The following NEDD1 variants were observed in gnomAD, a reference collection of about 807,000 sequenced individuals.
The protein encoded by NEDD1 is protein NEDD1.
A neutral mutation model predicts 74.0 loss-of-function variants in NEDD1; 33 were observed. The observed-to-expected ratio is 0.45, with a 90% CI of 0.34 to 0.60. The LOEUF is 0.60. Among genes scored for constraint, NEDD1 ranks in the 20% least tolerant of loss-of-function variants. NEDD1 has a pLI of 0.01. For synonymous variants in NEDD1, 250 were observed against 264.4 expected (o/e 0.95, Z 0.53); for missense variants, 746 against 776.5 (o/e 0.96, Z 0.47).
intron 2 of NEDD1, among the ~76,000 whole-genome samples, chr12:96,908,420 AG>A (rs150570331): frequency 0.015 from 2,300 of 152,288 alleles, 55 homozygotes; most frequent in African/African-American, 0.053. Flanking sequence ...CATACTAGGA[AG>A]GTGTGGGAGG....
At chr12:96,916,333 C>T (rs1420121379) in intron 4 of NEDD1, among the ~76,000 whole-genome samples, 1 of 146,412 alleles carries the variant, frequency 6.8e-6, no homozygotes, top group Non-Finnish European at 1.5e-5. Flanking sequence ...TATACATGTG[C>T]CATGCTGGTG....
intron 1 of NEDD1, 42 bp from the exon 2 acceptor site, chr12:96,907,558 AGTCT>A: frequency 6.5e-7 from 1 of 1,534,258 alleles, no homozygotes; most frequent in South Asian, 1.2e-5. Flanking sequence ...CGTCTCCACA[AGTCT>A]GTCTCCTTTT....
At chr12:96,928,673 G>A (rs1157051428) in intron 6 of NEDD1, among the ~76,000 whole-genome samples, 2 of 143,500 alleles carry the variant, frequency 1.4e-5, no homozygotes, top group South Asian at 2.2e-4. Flanking sequence ...TAGGTACATA[G>A]TGTGTTTCTT....
chr12:96,927,991 A>G (rs1334017277), intron 6 of NEDD1, among the ~76,000 whole-genome samples: 1 of 152,172 alleles, frequency 6.6e-6, no homozygotes, highest in African/African-American at 2.4e-5. Flanking sequence ...TGACTAGCCT[A>G]TATAATATGT....
intron 6 of NEDD1, among the ~76,000 whole-genome samples, chr12:96,922,537 G>A (rs1391056247): frequency 6.6e-6 from 1 of 152,128 alleles, no homozygotes; most frequent in East Asian, 1.9e-4. Context: ...TCTTGCTAGA[G>A]AGTTTTCTTA....
At chr12:96,910,354 C>T (rs767396644) in intron 3 of NEDD1, among the ~76,000 whole-genome samples, 2 of 152,086 alleles carry the variant, frequency 1.3e-5, no homozygotes, top group Non-Finnish European at 2.9e-5. Flanking sequence ...AAAAAATTGC[C>T]CAATATCTCC....
intron 4 of NEDD1, among the ~76,000 whole-genome samples, chr12:96,915,269 AC>A (rs1235297773): frequency 2.0e-5 from 3 of 151,196 alleles, no homozygotes; most frequent in Non-Finnish European, 1.5e-5. Flanking sequence ...AGCATTTTTG[AC>A]CCCCTTAAAA....
chr12:96,923,250 A>T (rs544204756), intron 6 of NEDD1, among the ~76,000 whole-genome samples: 8 of 152,314 alleles, frequency 5.3e-5, no homozygotes, highest in Non-Finnish European at 1.0e-4. Flanking sequence ...ATGGGCCACC[A>T]TTTATCCATT....
At chr12:96,924,609 G>T (rs937081396) in intron 6 of NEDD1, among the ~76,000 whole-genome samples, 1 of 151,884 alleles carries the variant, frequency 6.6e-6, no homozygotes, top group Non-Finnish European at 1.5e-5. Flanking sequence ...CCTATTCTTT[G>T]TGGCTTGTAG....
intron 4 of NEDD1, among the ~76,000 whole-genome samples, chr12:96,915,904 A>C (rs1205010800): frequency 4.6e-5 from 7 of 152,238 alleles, no homozygotes; most frequent in Non-Finnish European, 8.8e-5. Context: ...AGATAACTAA[A>C]ATAAGATATT....
At chr12:96,934,162 T>G (rs1331035127) in intron 6 of NEDD1, among the ~76,000 whole-genome samples, 1 of 152,162 alleles carries the variant, frequency 6.6e-6, no homozygotes, top group Non-Finnish European at 1.5e-5. Context: ...CAAACAAATG[T>G]ATCAAAATAT....
intron 3 of NEDD1, among the ~76,000 whole-genome samples, chr12:96,910,670 A>G (rs1274017757): frequency 6.6e-6 from 1 of 152,174 alleles, no homozygotes; most frequent in Non-Finnish European, 1.5e-5. Flanking sequence ...TTAGGTACCA[A>G]TAGCCTCTAG....
At chr12:96,930,235 T>A in intron 6 of NEDD1, among the ~76,000 whole-genome samples, 1 of 150,898 alleles carries the variant, frequency 6.6e-6, no homozygotes, top group African/African-American at 2.5e-5. Flanking sequence ...TCTCTCTCTC[T>A]CTCTCTCTCA....
intron 14 of NEDD1, among the ~76,000 whole-genome samples, chr12:96,950,503 A>G (rs759100466): frequency 6.6e-5 from 10 of 152,000 alleles, no homozygotes; most frequent in Non-Finnish European, 1.3e-4. Flanking sequence ...TTAACAGGAA[A>G]ATAGATACAC....
At chr12:96,948,612 T>G (rs191220896) in intron 14 of NEDD1, among the ~76,000 whole-genome samples, 30 of 152,306 alleles carry the variant, frequency 2.0e-4, no homozygotes, top group Middle Eastern at 6.8e-3. Flanking sequence ...TGCACCAACC[T>G]AATACATCCT....
chr12:96,910,793 G>C (rs978257218), intron 3 of NEDD1, among the ~76,000 whole-genome samples: 2 of 152,062 alleles, frequency 1.3e-5, no homozygotes, highest in African/African-American at 2.4e-5. Flanking sequence ...TATGTAATTG[G>C]TATGTTAGAA....
chr12:96,931,427 G>C (rs1876456534), intron 6 of NEDD1, among the ~76,000 whole-genome samples: 1 of 152,156 alleles, frequency 6.6e-6, no homozygotes, highest in South Asian at 2.1e-4. Context: ...TGCAATGTAA[G>C]AGCAGTTGCA....
chr12:96,934,104 A>T (rs1023157337), intron 6 of NEDD1, among the ~76,000 whole-genome samples: 3 of 152,136 alleles, frequency 2.0e-5, no homozygotes, highest in Non-Finnish European at 4.4e-5. Context: ...ATTTTTTTTT[A>T]AATTATGCTT....
In NEDD1 at chr12:96,940,422, C is replaced by G. The variant is rs747701880; in HGVS notation, c.1131C>G (p.Ser377Arg). Residue 377 changes from serine (S) to arginine (R), a missense_variant, in exon 10 of 16, where the codon AGC becomes AGG. Transcript: ENST00000266742. Reference protein sequence around the residue: ...AVQEKAGLPRSINTDTLSKET... With the variant: ...AVQEKAGLPRRINTDTLSKET... ...AATTCCTATAAGGTTTGCCTCGAAG[C>G]ATAAACACAGACACTTTATCTAAGG... The G allele has an allele frequency of 6.3e-7, 1 of 1,591,324 alleles. No individual in the cohort carries two copies. The highest frequency in any genetic ancestry group is 8.6e-7 in the Non-Finnish European group (1 of 1,162,106).
Sources: allele counts gnomAD v4.1 joint callset (sites outside exome capture counted in the v4.1 genomes callset), GRCh38; gene constraint gnomAD v4.1.1; transcripts MANE v1.5; gene names NCBI Gene and HGNC (gene_info 2026-07-23, HGNC 2026-07-21).